STXBP4: variants seen among roughly 807,000 people sequenced by gnomAD.
STXBP4 encodes syntaxin binding protein 4.
STXBP4 carries 55 observed loss-of-function variants against 76.1 expected under a neutral mutation model. The observed-to-expected ratio is 0.72, with a 90% CI of 0.58 to 0.91. The LOEUF is 0.91. STXBP4 is among the 40% of genes least tolerant of loss of function. The probability of loss-of-function intolerance (pLI) is 0.00; values close to 1 mark genes in which losing one functional copy is unlikely to be tolerated. For synonymous variants in STXBP4, 201 were observed against 220.2 expected, an observed-to-expected ratio of 0.91 and a Z score of 0.77; for missense variants, 618 against 636.9, an observed-to-expected ratio of 0.97 and a Z score of 0.32.
At chr17:55,101,531 A>G (rs1321814983) in intron 16 of STXBP4, among the ~76,000 whole-genome samples, 1 of 152,170 alleles carries the variant, frequency 6.6e-6, no homozygotes, top group Non-Finnish European at 1.5e-5. Flanking sequence ...AGTACCTATC[A>G]TGGTGCTTGA....
At chr17:55,196,701 A>G in the STXBP4 span, among the ~76,000 whole-genome samples, 1 of 152,210 alleles carries the variant, frequency 6.6e-6, no homozygotes, top group Admixed American at 6.5e-5. Context: ...CATTCCTAGC[A>G]CATAGGAAGT....
chr17:55,153,153 T>G (rs2080234847), intron 17 of STXBP4, among the ~76,000 whole-genome samples: 1 of 152,210 alleles, frequency 6.6e-6, no homozygotes, highest in South Asian at 2.1e-4. Flanking sequence ...ATATAATTCT[T>G]TCTTGCCTTT....
At chr17:55,106,717 T>C (rs549184261) in intron 16 of STXBP4, among the ~76,000 whole-genome samples, 2 of 152,286 alleles carry the variant, frequency 1.3e-5, no homozygotes, top group East Asian at 1.9e-4. Flanking sequence ...TCTTCACTTA[T>C]GATGCTTAGT....
At chr17:54,989,510 T>G (rs1000322755) in intron 3 of STXBP4, among the ~76,000 whole-genome samples, 8 of 152,168 alleles carry the variant, frequency 5.3e-5, no homozygotes, top group African/African-American at 1.4e-4. Flanking sequence ...ACATATCACA[T>G]TTTGCCTCTG....
At chr17:54,970,666 C>T (rs34918041) in intron 1 of STXBP4, among the ~76,000 whole-genome samples, 47,414 of 152,124 alleles carry the variant, frequency 0.31, 7,731 homozygotes, top group African/African-American at 0.37. Flanking sequence ...TTTCTTACAG[C>T]ATAGACTGAA....
chr17:55,076,400 C>T (rs1483598558), intron 13 of STXBP4, among the ~76,000 whole-genome samples: 3 of 152,030 alleles, frequency 2.0e-5, no homozygotes, highest in Non-Finnish European at 4.4e-5. Context: ...ATAAGCTCTC[C>T]CCATTTTATT....
chr17:55,074,284 A>G (rs1416346432), intron 13 of STXBP4, among the ~76,000 whole-genome samples: 2 of 152,218 alleles, frequency 1.3e-5, no homozygotes, highest in Non-Finnish European at 2.9e-5. Flanking sequence ...TATTTCTCAC[A>G]TTATTCACTT....
chr17:55,201,778 A>G, the STXBP4 span, among the ~76,000 whole-genome samples: 2 of 152,214 alleles, frequency 1.3e-5, no homozygotes. Flanking sequence ...TTTCACATTT[A>G]AATGTTTGAG....
intron 16 of STXBP4, among the ~76,000 whole-genome samples, chr17:55,127,411 G>A (rs559458999): frequency 6.6e-6 from 1 of 152,272 alleles, no homozygotes; most frequent in Non-Finnish European, 1.5e-5. Flanking sequence ...GAACATTCAA[G>A]GATGTGACTT....
intron 16 of STXBP4, among the ~76,000 whole-genome samples, chr17:55,132,215 G>A (rs1395459365): frequency 1.3e-5 from 2 of 152,238 alleles, no homozygotes; most frequent in Middle Eastern, 3.4e-3. Context: ...TATTTGAGAC[G>A]GAGTCTCGCT....
intron 10 of STXBP4, among the ~76,000 whole-genome samples, chr17:55,035,905 A>G (rs2078593395): frequency 6.6e-6 from 1 of 151,896 alleles, no homozygotes; most frequent in South Asian, 2.1e-4. Flanking sequence ...TAATAATTTT[A>G]TATATTTATT....
intron 11 of STXBP4, among the ~76,000 whole-genome samples, chr17:55,046,261 T>A (rs1301996506): frequency 6.6e-6 from 1 of 152,022 alleles, no homozygotes; most frequent in Non-Finnish European, 1.5e-5. Context: ...TCCTGTGGCA[T>A]AGTCATTAGA....
chr17:55,052,987 T>TTA (rs2078880040), intron 12 of STXBP4, among the ~76,000 whole-genome samples: 1 of 133,886 alleles, frequency 7.5e-6, no homozygotes, highest in Non-Finnish European at 1.6e-5. Flanking sequence ...GCTATTTTCT[T>TTA]AAAAAAAAAA....
intron 1 of STXBP4, among the ~76,000 whole-genome samples, chr17:54,979,401 G>A (rs2077517273): frequency 6.6e-6 from 1 of 152,108 alleles, no homozygotes; most frequent in Non-Finnish European, 1.5e-5. Context: ...TCAGGAATCT[G>A]GTTACTTTAT....
intron 16 of STXBP4, among the ~76,000 whole-genome samples, chr17:55,097,396 G>C (rs1338688696): frequency 6.6e-6 from 1 of 152,166 alleles, no homozygotes; most frequent in African/African-American, 2.4e-5. Context: ...GGGCGCGGTG[G>C]CTCATGCCTG....
intron 1 of STXBP4, among the ~76,000 whole-genome samples, chr17:54,980,026 G>T (rs2077526655): frequency 1.4e-5 from 2 of 138,340 alleles, no homozygotes; most frequent in Admixed American, 7.0e-5. Flanking sequence ...TTTGTGACAG[G>T]TGTCTGTGTG....
chr17:54,995,098 A>C (rs143558779), intron 4 of STXBP4, among the ~76,000 whole-genome samples: 1 of 152,140 alleles, frequency 6.6e-6, no homozygotes, highest in Non-Finnish European at 1.5e-5. Context: ...CAAGGATGCT[A>C]TCTGATTTTA....
the STXBP4 span, among the ~76,000 whole-genome samples, chr17:55,209,405 C>T: frequency 5.3e-5 from 8 of 152,090 alleles, no homozygotes; most frequent in East Asian, 7.7e-4. Flanking sequence ...CCAGCTGAGG[C>T]GCATCCAAAC....
intron 16 of STXBP4, among the ~76,000 whole-genome samples, chr17:55,084,922 C>T (rs1338084117): frequency 4.6e-5 from 7 of 151,962 alleles, no homozygotes; most frequent in Non-Finnish European, 7.4e-5. Context: ...ATGTTTATTG[C>T]GGCATTATTC....
Sources: gnomAD v4.1 joint callset for allele counts (sites outside exome capture counted in the v4.1 genomes callset) on GRCh38, gnomAD v4.1.1 for gene constraint, MANE v1.5 for transcripts, NCBI Gene and HGNC (gene_info 2026-07-23, HGNC 2026-07-21) for gene names.